Variants in MYOF observed in about 807,000 individuals in gnomAD.
MYOF encodes fer-1-like 3, myoferlin.
Under a neutral mutation model 284.2 loss-of-function variants are expected in MYOF, and 244 were observed. That is an observed-to-expected ratio of 0.86 (90% confidence interval 0.77 to 0.95). MYOF has a LOEUF of 0.95. Ranked by LOEUF, MYOF falls within the 40% of genes least tolerant of loss-of-function variation. The probability of loss-of-function intolerance (pLI) is 0.00; values close to 1 mark genes in which losing one functional copy is unlikely to be tolerated. For synonymous variants in MYOF, 904 were observed against 919.7 expected, an observed-to-expected ratio of 0.98 and a Z score of 0.31; for missense variants, 2,496 against 2,560.6, an observed-to-expected ratio of 0.97 and a Z score of 0.54.
chr10:93,355,580 G>A (rs754375331), intron 31 of MYOF, 48 bp downstream of exon 31: 2 of 973,666 alleles, frequency 2.1e-6, no homozygotes, highest in Admixed American at 4.0e-5. Flanking sequence ...ACTCAGTCTT[G>A]AAAAAATAAA....
chr10:93,354,666 A>ACCCTCTCTCTCTCTCTCTCTCTCT (rs1554844078), intron 31 of MYOF, among the ~76,000 whole-genome samples: 1 of 119,236 alleles, frequency 8.4e-6, no homozygotes, highest in Non-Finnish European at 1.8e-5. Context: ...TCACACATTC[A>ACCCTCTCTCTCTCTCTCTCTCTCT]CTCTCTCTCT....
rs1431545777 is a variant in MYOF, at chr10:93,366,551, T to G, written c.2594A>C (p.Glu865Ala). Residue 865 changes from glutamate (E) to alanine (A), a missense_variant, in exon 26 of 54, where the codon GAA (glutamate) becomes GCA (alanine). This residue lies in a region of MYOF where 2,436 missense variants were observed against 2,480.7 expected (regional missense o/e 0.98). Coordinates refer to ENST00000359263, the MANE Select transcript of MYOF (RefSeq NM_013451.4). ...TTTTCCAAACATGAGAGCTTGATTT[T>G]CATACTATTAAAAAAGAGATAAAAT... is the stretch of plus-strand genomic sequence containing the variant. ...GTFTVFAEMY[E>A]NQALMFGKWG... 2 of 1,600,942 alleles carry G rather than the reference T, an allele frequency of 1.2e-6. No homozygotes were observed. The highest frequency in any genetic ancestry group is 1.7e-4 in the Middle Eastern group (1 of 5,988).
chr10:93,428,178 T>C (rs1009640446), intron 4 of MYOF, among the ~76,000 whole-genome samples: 3 of 144,088 alleles, frequency 2.1e-5, no homozygotes, highest in Non-Finnish European at 4.5e-5. Flanking sequence ...ACTGAGAAAT[T>C]ATTCGTTTTT....
intron 6 of MYOF, 110 bp from the exon 7 acceptor site, chr10:93,409,025 C>A: frequency 6.6e-7 from 1 of 1,514,354 alleles, no homozygotes. Context: ...TAACACCAGG[C>A]CAGGGCAGCT....
In MYOF at chr10:93,323,112, T is replaced by G. The variant is rs1281081528; in HGVS notation, c.5422A>C (p.Thr1808Pro). The change falls in exon 48 of 54, where the codon ACA (threonine) becomes CCA (proline). Residue 1808 changes from threonine (T) to proline (P), a missense_variant. Physicochemically the swap from Thr to Pro is conservative, Grantham distance 38 (BLOSUM62 -1). Coordinates refer to ENST00000359263, the MANE Select transcript of MYOF (RefSeq NM_013451.4). ...KDVILDEKSI[T>P]GEEMSDIYVK... ...TAGATGTCACTCATTTCCTCTCCTG[T>G]GATGCTTTTCTCGTCCAAGATAACG... The G allele has an allele frequency of 1.2e-6, 2 of 1,614,150 alleles. No individual in the cohort carries two copies. The highest frequency in any genetic ancestry group is 2.2e-5 in the South Asian group (2 of 91,086).
intron 19 of MYOF, among the ~76,000 whole-genome samples, chr10:93,386,350 A>G (rs1846364082): frequency 1.3e-5 from 2 of 152,086 alleles, no homozygotes; most frequent in Non-Finnish European, 2.9e-5. Flanking sequence ...AGAGTGGGTA[A>G]TGTTGTGGAA....
intron 51 of MYOF, 98 bp from the exon 52 acceptor site, chr10:93,310,741 T>C (rs1842347175): frequency 4.4e-6 from 5 of 1,125,850 alleles, no homozygotes; most frequent in African/African-American, 1.6e-5. Context: ...ATTTTTATTC[T>C]TGTAAAACAA....
intron 38 of MYOF, among the ~76,000 whole-genome samples, chr10:93,340,990 G>A (rs941616270): frequency 1.3e-5 from 2 of 152,198 alleles, no homozygotes; most frequent in Admixed American, 6.5e-5. Context: ...AGGCCATGGA[G>A]CTGCTTCCGT....
At chr10:93,430,091 T>A (rs1300824672) in intron 4 of MYOF, among the ~76,000 whole-genome samples, 2 of 151,420 alleles carry the variant, frequency 1.3e-5, no homozygotes, top group Non-Finnish European at 2.9e-5. Context: ...CGTGCCACCA[T>A]GCCTGGCTAA....
intron 20 of MYOF, among the ~76,000 whole-genome samples, chr10:93,380,387 G>T (rs1846057906): frequency 6.6e-6 from 1 of 152,178 alleles, no homozygotes; most frequent in Non-Finnish European, 1.5e-5. Context: ...CAAAAGAAAA[G>T]AATTTTCTGT....
intron 3 of MYOF, among the ~76,000 whole-genome samples, chr10:93,438,724 A>AG (rs2056151239): frequency 6.6e-6 from 1 of 152,024 alleles, no homozygotes; most frequent in South Asian, 2.1e-4. Flanking sequence ...ATCTGGGGAG[A>AG]GGGGGGCTTG....
intron 25 of MYOF, among the ~76,000 whole-genome samples, chr10:93,367,748 G>A (rs1845391403): frequency 6.6e-6 from 1 of 151,892 alleles, no homozygotes; most frequent in Non-Finnish European, 1.5e-5. Flanking sequence ...ACTGGGGCAG[G>A]ACAGTAAGAA....
chr10:93,308,321 A>G (rs1437499876), intron 53 of MYOF, among the ~76,000 whole-genome samples: 1 of 151,624 alleles, frequency 6.6e-6, no homozygotes, highest in Non-Finnish European at 1.5e-5. Context: ...GTGGTGGTTC[A>G]CACCTATAAT....
intron 37 of MYOF, among the ~76,000 whole-genome samples, chr10:93,346,203 A>C (rs1049462693): frequency 1.3e-5 from 2 of 152,262 alleles, no homozygotes; most frequent in African/African-American, 2.4e-5. Context: ...GTTTTGCTTA[A>C]ATGTGACTGT....
At chr10:93,417,360 T>C (rs547979394) in intron 5 of MYOF, among the ~76,000 whole-genome samples, 2 of 152,304 alleles carry the variant, frequency 1.3e-5, no homozygotes, top group African/African-American at 4.8e-5. Context: ...TGTGATCCTC[T>C]TTCCAGACGC....
Position 93,456,939 on chromosome 10 carries a change from T to C in MYOF, c.89-2A>G, listed in dbSNP as rs1383041281. 3 of 1,601,268 alleles carry C rather than the reference T, an allele frequency of 1.9e-6. No homozygotes were observed. Among genetic ancestry groups the C allele is most frequent in the Non-Finnish European group, 2.6e-6 (3 of 1,174,158 alleles). ...CTTTCTTTGTTTTCTTTTTCTCATC[T>C]GCAAAAGAGATAAAGGAAGAGACAG... On this transcript the variant is annotated splice_acceptor_variant, in intron 1 of 53. Coordinates refer to ENST00000359263, the MANE Select transcript of MYOF (RefSeq NM_013451.4). LOFTEE classifies it high-confidence loss of function.
At chr10:93,458,279 G>A (rs2056792289) in intron 1 of MYOF, among the ~76,000 whole-genome samples, 1 of 152,094 alleles carries the variant, frequency 6.6e-6, no homozygotes, top group Admixed American at 6.5e-5. Context: ...CTTGAGCCCA[G>A]GAGGTCAAGG....
intron 1 of MYOF, among the ~76,000 whole-genome samples, chr10:93,472,356 G>A (rs1002373143): frequency 2.0e-5 from 3 of 152,168 alleles, no homozygotes; most frequent in Non-Finnish European, 4.4e-5. Flanking sequence ...AGAACAGTAG[G>A]CCATTTCCTC....
chr10:93,324,774 A>T (rs1842972291), intron 46 of MYOF, among the ~76,000 whole-genome samples: 1 of 151,210 alleles, frequency 6.6e-6, no homozygotes, highest in Non-Finnish European at 1.5e-5. Flanking sequence ...TTAGATTAAT[A>T]TTTCTTTTTT....
Sources: allele counts gnomAD v4.1 joint callset (sites outside exome capture counted in the v4.1 genomes callset), GRCh38; gene constraint gnomAD v4.1.1; regional missense constraint gnomAD v4.1.1; transcripts MANE v1.5; gene names NCBI Gene and HGNC (gene_info 2026-07-23, HGNC 2026-07-21).